Variants in CCDC77 observed in about 807,000 individuals in gnomAD.
CCDC77 encodes coiled-coil domain-containing protein 77.
CCDC77 carries 56 observed loss-of-function variants against 66.8 expected under a neutral mutation model. That is an observed-to-expected ratio of 0.84 (90% CI 0.68 to 1.05). The LOEUF is 1.05. CCDC77 is among the 50% of genes least tolerant of loss of function. CCDC77 has a pLI of 0.00. For missense variants in CCDC77, 570 were observed against 576.8 expected (o/e 0.99, Z 0.12); for synonymous variants, 196 against 195.2 (o/e 1.00, Z -0.03).
At chr12:434,163 A>T (rs529081503) in intron 9 of CCDC77, among the ~76,000 whole-genome samples, 6 of 137,942 alleles carry the variant, frequency 4.3e-5, no homozygotes, top group African/African-American at 1.6e-4. Flanking sequence ...CACATACTTT[A>T]AAAAAAAAAG....
Position 411,908 on chromosome 12 carries a change from C to G in CCDC77, c.200C>G (p.Ala67Gly), listed in dbSNP as rs140224195. 7 of 1,613,802 alleles carry G rather than the reference C, an allele frequency of 4.3e-6. No homozygotes were observed. The highest frequency in any genetic ancestry group is 5.9e-6 in the Non-Finnish European group (7 of 1,179,988). Reference sequence around the variant, plus strand: ...CTGGAATATTATCAAAAGAAGATGGCTGAGTGTGAGGCAGAAAATGAGGAC... The same window carrying G: ...CTGGAATATTATCAAAAGAAGATGGGTGAGTGTGAGGCAGAAAATGAGGAC... ...ELLEYYQKKM[A>G]ECEAENEDLL... Residue 67 changes from alanine (A) to glycine (G), a missense_variant, in exon 4 of 13, where the codon GCT becomes GGT. Coordinates refer to ENST00000239830, the MANE Select transcript of CCDC77 (RefSeq NM_032358.4).
At chr12:440,502 C>T (rs986164549) in intron 10 of CCDC77, 115 bp from the exon 11 acceptor site, 2 of 1,209,466 alleles carry the variant, frequency 1.7e-6, no homozygotes, top group African/African-American at 1.5e-5. Flanking sequence ...GGTTCCTTAA[C>T]TCATTTTGTA....
chr12:413,228 G>C (rs576187760), intron 4 of CCDC77, among the ~76,000 whole-genome samples: 2 of 148,146 alleles, frequency 1.4e-5, no homozygotes, highest in Non-Finnish European at 3.0e-5. Context: ...GTGAGCAACC[G>C]TGCCCGGCCT....
intron 9 of CCDC77, 81 bp downstream of exon 9, chr12:433,403 A>G: frequency 1.3e-6 from 2 of 1,556,572 alleles, no homozygotes; most frequent in African/African-American, 1.4e-5. Flanking sequence ...TACTTGAACA[A>G]CAGCGGGTCA....
chr12:432,350 T>C (rs1945669080), intron 8 of CCDC77, among the ~76,000 whole-genome samples: 1 of 152,172 alleles, frequency 6.6e-6, no homozygotes, highest in African/African-American at 2.4e-5. Flanking sequence ...TGAACTGTTC[T>C]CTTACCTCCT....
chr12:423,310 T>TA (rs1159786957), intron 5 of CCDC77, among the ~76,000 whole-genome samples: 3,848 of 78,522 alleles, frequency 0.049, 158 homozygotes, highest in East Asian at 0.24. Context: ...ATATATATAT[T>TA]TTTTTTTTTT....
chr12:435,641 C>T (rs1378976234), intron 9 of CCDC77, among the ~76,000 whole-genome samples: 2 of 152,218 alleles, frequency 1.3e-5, no homozygotes, highest in Non-Finnish European at 2.9e-5. Flanking sequence ...TAGGAATGGT[C>T]CATACTTATG....
chr12:428,746 C>G, intron 5 of CCDC77, 23 bp from the exon 6 acceptor site: 1 of 1,523,772 alleles, frequency 6.6e-7, no homozygotes, highest in Non-Finnish European at 9.0e-7. Context: ...ATAATATGTG[C>G]TTGCTTTCCA....
At chr12:427,523 A>G (rs181467471) in intron 5 of CCDC77, among the ~76,000 whole-genome samples, 7 of 145,886 alleles carry the variant, frequency 4.8e-5, no homozygotes, top group Non-Finnish European at 1.0e-4. Flanking sequence ...CGCCCAGGCC[A>G]GAGTGCGGTG....
chr12:441,141 T>G, intron 12 of CCDC77, 145 bp downstream of exon 12: 1 of 834,384 alleles, frequency 1.2e-6, no homozygotes. Context: ...CCCTGAAAAT[T>G]AGTTCAAGAA....
chr12:409,635 G>C, intron 3 of CCDC77: 1 of 548,150 alleles, frequency 1.8e-6, no homozygotes, highest in Non-Finnish European at 3.3e-6. Flanking sequence ...TCCCACCTCA[G>C]CCTCCCAGAG....
upstream of CCDC77, among the ~76,000 whole-genome samples, chr12:399,941 C>G (rs188683844): frequency 1.3e-5 from 2 of 152,344 alleles, no homozygotes; most frequent in Non-Finnish European, 1.5e-5. Flanking sequence ...TACAAAAGTA[C>G]TACTTGGCAT....
chr12:441,851 G>A lies in CCDC77; in HGVS notation c.1398G>A (p.Lys466=). 6.2e-7 allele frequency: 1 copy of A among 1,612,614 alleles called. No homozygotes were observed. The highest frequency in any genetic ancestry group is 1.1e-5 in the South Asian group (1 of 91,052). The change falls in exon 13 of 13, where the codon AAG becomes AAA. Residue 466 remains lysine (K), a synonymous_variant. Coordinates refer to ENST00000239830, the MANE Select transcript of CCDC77 (RefSeq NM_032358.4). ...EVRDSNRRAH[K]IQGELKNLKS... ...GTGACAGCAATAGACGGGCACATAA[G>A]ATACAAGGAGAACTGAAGAATCTTA...
intron 9 of CCDC77, among the ~76,000 whole-genome samples, chr12:437,166 T>C (rs1201151573): frequency 1.3e-5 from 2 of 152,230 alleles, no homozygotes; most frequent in East Asian, 3.8e-4. Flanking sequence ...AGCAGCCAGA[T>C]CATTCAGTAT....
chr12:435,362 G>T (rs1398377875), intron 9 of CCDC77, among the ~76,000 whole-genome samples: 2 of 150,980 alleles, frequency 1.3e-5, no homozygotes, highest in African/African-American at 4.9e-5. Flanking sequence ...ACTTCTTTCT[G>T]TGTTTCATCT....
At chr12:414,732 A>G (rs1035225669) in intron 4 of CCDC77, among the ~76,000 whole-genome samples, 4 of 152,008 alleles carry the variant, frequency 2.6e-5, no homozygotes, top group African/African-American at 9.7e-5. Flanking sequence ...CGGTTCTTCC[A>G]GTCCCCCTAA....
intron 4 of CCDC77, among the ~76,000 whole-genome samples, chr12:415,396 A>T (rs1011527121): frequency 2.8e-5 from 2 of 72,120 alleles, no homozygotes; most frequent in East Asian, 4.1e-4. Context: ...ATGTTAATAT[A>T]ATCAACATAA....
chr12:432,034 G>A, intron 8 of CCDC77, 80 bp downstream of exon 8: 1 of 797,124 alleles, frequency 1.3e-6, no homozygotes, highest in Admixed American at 2.2e-5. Flanking sequence ...AGTGTCATGT[G>A]ATAAGTATCT....
Position 433,477 on chromosome 12 carries a change from G to A in CCDC77, c.821+155G>A, listed in dbSNP as rs1279223688. On this transcript the variant is annotated intron_variant, in intron 9 of 12. Coordinates refer to ENST00000239830, the MANE Select transcript of CCDC77 (RefSeq NM_032358.4). ...GAAACCCCCGCCTCTACGTAGGTGA[G>A]TACCTCGCTTTTCCAGGCGTGCTGT... The A allele has an allele frequency of 2.0e-5, 29 of 1,415,414 alleles. No individual in the cohort carries two copies. In the East Asian group the frequency reaches 7.2e-4, roughly 35 times the overall value. The allele number at this position is 1,415,414 out of a possible 1,614,324, so 87.7% of individuals were successfully genotyped here. A position where few individuals can be genotyped will look rare whatever the true frequency, so the allele number is the denominator to read the frequency against.
Sources: allele counts gnomAD v4.1 joint callset (sites outside exome capture counted in the v4.1 genomes callset), GRCh38; gene constraint gnomAD v4.1.1; transcripts MANE v1.5; gene names NCBI Gene and HGNC (gene_info 2026-07-23, HGNC 2026-07-21).